The following RRAS2 variants were observed in gnomAD, a reference collection of about 807,000 sequenced individuals.
The protein encoded by RRAS2 is ras-related protein R-Ras2.
In RRAS2, 7 loss-of-function variants were observed where a neutral mutation model predicts 27.6. The ratio of observed to expected loss-of-function variants is 0.25; its 90% CI spans 0.14 to 0.48. The LOEUF (loss-of-function observed/expected upper bound fraction) is 0.48. Among genes scored for constraint, RRAS2 ranks in the 20% least tolerant of loss-of-function variants. The pLI is 0.99. For synonymous variants in RRAS2, 86 were observed against 90.9 expected, an observed-to-expected ratio of 0.95 and a Z score of 0.31; for missense variants, 178 against 256.2, an observed-to-expected ratio of 0.69 and a Z score of 2.08.
chr11:14,287,910 T>G (rs1849708772), intron 4 of RRAS2, among the ~76,000 whole-genome samples: 2 of 149,778 alleles, frequency 1.3e-5, no homozygotes, highest in Admixed American at 6.6e-5. Flanking sequence ...AAAAACGAAA[T>G]GTTAATTAAT....
At chr11:14,363,051 A>T (rs1464863211), upstream of RRAS2, among the ~76,000 whole-genome samples, 3 of 152,238 alleles carry the variant, frequency 2.0e-5, no homozygotes, top group African/African-American at 7.2e-5. Flanking sequence ...AAAATAGGGT[A>T]TGTCACAAAT....
At chr11:14,313,722 T>C (rs993272111) in intron 1 of RRAS2, among the ~76,000 whole-genome samples, 17 of 152,314 alleles carry the variant, frequency 1.1e-4, no homozygotes, top group Non-Finnish European at 1.6e-4. Context: ...AAAGGGCTGC[T>C]GATAAGCACC....
chr11:14,303,552 CAGAG>C (rs369058077), intron 1 of RRAS2, among the ~76,000 whole-genome samples: 16 of 152,252 alleles, frequency 1.1e-4, no homozygotes, highest in African/African-American at 1.9e-4. Context: ...GCCTCAGCGA[CAGAG>C]AGAGACCCCC....
chr11:14,350,145 C>A (rs1024186580), intron 1 of RRAS2, among the ~76,000 whole-genome samples: 2 of 152,192 alleles, frequency 1.3e-5, no homozygotes, highest in African/African-American at 4.8e-5. Flanking sequence ...CTTTCTTACA[C>A]AAAAGGTAGT....
At chr11:14,288,158 T>G (rs1368826073) in intron 4 of RRAS2, among the ~76,000 whole-genome samples, 1 of 152,154 alleles carries the variant, frequency 6.6e-6, no homozygotes, top group African/African-American at 2.4e-5. Context: ...TTTTTATTTT[T>G]AGTAGAGGCA....
chr11:14,329,068 T>TACACACACACAC (rs200695347), intron 1 of RRAS2, among the ~76,000 whole-genome samples: 2 of 141,690 alleles, frequency 1.4e-5, no homozygotes, highest in African/African-American at 5.3e-5. Context: ...CACATATACA[T>TACACACACACAC]ACACACACAC....
intron 1 of RRAS2, among the ~76,000 whole-genome samples, chr11:14,309,153 C>G (rs906232061): frequency 6.6e-6 from 1 of 152,180 alleles, no homozygotes; most frequent in Non-Finnish European, 1.5e-5. Flanking sequence ...TCCATTTTCA[C>G]TTCCTCTCCC....
In RRAS2 at chr11:14,319,497, T is replaced by A. The variant is rs1041993795; in HGVS notation, c.109-23642A>T. Among the ~76,000 whole-genome samples, 12 of 152,166 alleles carry A rather than the reference T, an allele frequency of 7.9e-5. No homozygotes were observed. In the East Asian group the frequency reaches 2.1e-3, roughly 27 times the overall value. ...CCTCAGCCTCCCGAGTAGCTGGGACTACAGGCGCCCGCCACCGCGCCCGGC... is the reference window on the plus strand; with the variant it reads ...CCTCAGCCTCCCGAGTAGCTGGGACAACAGGCGCCCGCCACCGCGCCCGGC... On this transcript the variant is annotated intron_variant, in intron 1 of 5. Coordinates refer to ENST00000256196, the MANE Select transcript of RRAS2 (RefSeq NM_012250.6).
chr11:14,310,600 A>G (rs1847939940), intron 1 of RRAS2, among the ~76,000 whole-genome samples: 2 of 152,202 alleles, frequency 1.3e-5, no homozygotes, highest in Middle Eastern at 3.2e-3. Context: ...CACTTACATG[A>G]CATTTACTAT....
intron 1 of RRAS2, among the ~76,000 whole-genome samples, chr11:14,305,223 G>A (rs1847805390): frequency 6.6e-6 from 1 of 152,166 alleles, no homozygotes; most frequent in Admixed American, 6.5e-5. Context: ...CCTGGTATGT[G>A]CCAGCAGAAA....
At chr11:14,338,596 T>C (rs1848635153) in intron 1 of RRAS2, among the ~76,000 whole-genome samples, 1 of 152,180 alleles carries the variant, frequency 6.6e-6, no homozygotes, top group Admixed American at 6.5e-5. Context: ...TGGCATCATA[T>C]CATGACTCAA....
chr11:14,294,919 A>G (rs1591449626), intron 2 of RRAS2, 57 bp from the exon 3 acceptor site: 2 of 1,461,334 alleles, frequency 1.4e-6, no homozygotes, highest in African/African-American at 2.8e-5. Context: ...GCTTCCCCAC[A>G]AGGGCAAGAC....
chr11:14,283,253 T>C (rs183223965), intron 4 of RRAS2, among the ~76,000 whole-genome samples: 13 of 152,336 alleles, frequency 8.5e-5, no homozygotes, highest in African/African-American at 2.9e-4. Flanking sequence ...CAACAACCCA[T>C]TGCAGGAATA....
intron 1 of RRAS2, among the ~76,000 whole-genome samples, chr11:14,320,344 T>G (rs535100992): frequency 1.2e-3 from 184 of 152,366 alleles, no homozygotes; most frequent in African/African-American, 4.2e-3. Flanking sequence ...CAAATAGCAG[T>G]ATGCCTAGAA....
chr11:14,278,291 GC>G lies in RRAS2; in HGVS notation c.*1045del, dbSNP rs1849429920. On this transcript the variant is annotated 3_prime_UTR_variant, in exon 6 of 6. Transcript: ENST00000256196. ...GATGGGTACAACCAAGACCAGACCA[GC>G]AAGTAAAAGTTCTACCACAGTTTCT... is the stretch of plus-strand genomic sequence containing the variant. 6.6e-6 allele frequency: 1 copy of G among 152,174 alleles called. No homozygotes were observed. Among genetic ancestry groups the G allele is most frequent in the Non-Finnish European group, 1.5e-5 (1 of 68,030 alleles). 9.4% of individuals were successfully genotyped at this position (152,174 alleles called of 1,614,324 possible). A position where few individuals can be genotyped will look rare whatever the true frequency, so the allele number is the denominator to read the frequency against.
intron 1 of RRAS2, among the ~76,000 whole-genome samples, chr11:14,301,081 T>C (rs1847688692): frequency 6.6e-6 from 1 of 152,096 alleles, no homozygotes. Flanking sequence ...AGCATCATTC[T>C]CAGGAAAGTC....
intron 4 of RRAS2, among the ~76,000 whole-genome samples, chr11:14,282,165 C>T (rs1384007617): frequency 6.6e-6 from 1 of 151,998 alleles, no homozygotes; most frequent in Non-Finnish European, 1.5e-5. Flanking sequence ...ATGTGTGAGG[C>T]CATGAGAGTG....
chr11:14,339,822 A>G (rs1848663504), intron 1 of RRAS2, among the ~76,000 whole-genome samples: 1 of 152,236 alleles, frequency 6.6e-6, no homozygotes, highest in Non-Finnish European at 1.5e-5. Flanking sequence ...ACATTTAAAA[A>G]TAGTATTCTG....
At chr11:14,332,869 A>T (rs1372492882) in intron 1 of RRAS2, among the ~76,000 whole-genome samples, 1 of 152,232 alleles carries the variant, frequency 6.6e-6, no homozygotes, top group Non-Finnish European at 1.5e-5. Flanking sequence ...TAAGAATCAG[A>T]GTTCCCTGGA....
Sources: gnomAD v4.1 joint callset for allele counts (sites outside exome capture counted in the v4.1 genomes callset) on GRCh38, gnomAD v4.1.1 for gene constraint, MANE v1.5 for transcripts, NCBI Gene and HGNC (gene_info 2026-07-23, HGNC 2026-07-21) for gene names.